GLE1: variants seen among roughly 807,000 people sequenced by gnomAD.
The protein encoded by GLE1 is GLE1 RNA export mediator.
A neutral mutation model predicts 97.3 loss-of-function variants in GLE1; 78 were observed. The observed-to-expected ratio is 0.80, with a 90% CI of 0.67 to 0.97. The LOEUF (loss-of-function observed/expected upper bound fraction) is 0.97. Ranked by LOEUF, GLE1 falls within the 50% of genes least tolerant of loss-of-function variation. GLE1 has a pLI of 0.00. For synonymous variants in GLE1, 302 were observed against 313.4 expected (o/e 0.96, Z 0.39); for missense variants, 753 against 857.5 (o/e 0.88, Z 1.52).
intron 2 of GLE1, among the ~76,000 whole-genome samples, chr9:128,510,878 C>G (rs1350560905): frequency 1.5e-5 from 2 of 132,058 alleles, no homozygotes; most frequent in Non-Finnish European, 3.2e-5. Flanking sequence ...TTTTTTCTAT[C>G]TAGTAGTTCA....
intron 11 of GLE1, among the ~76,000 whole-genome samples, chr9:128,535,130 A>C (rs1338813243): frequency 6.6e-6 from 1 of 152,128 alleles, no homozygotes; most frequent in East Asian, 1.9e-4. Flanking sequence ...TACTTTAACA[A>C]TTTGGGAGGT....
At chr9:128,530,784 C>T (rs1847474088) in intron 9 of GLE1, among the ~76,000 whole-genome samples, 1 of 151,858 alleles carries the variant, frequency 6.6e-6, no homozygotes, top group Non-Finnish European at 1.5e-5. Context: ...TGGCAGGCAC[C>T]TGTAGTCCTA....
At chr9:128,537,453 CAAAAAA>C (rs57584433) in intron 12 of GLE1, among the ~76,000 whole-genome samples, 1,126 of 43,962 alleles carry the variant, frequency 0.026, 19 homozygotes, top group African/African-American at 0.094. Flanking sequence ...AACTCTCCCT[CAAAAAA>C]AAAAAAAAAA....
At chr9:128,533,981 C>T (rs758714525) in intron 11 of GLE1, 30 bp downstream of exon 11, 1 of 1,313,134 alleles carries the variant, frequency 7.6e-7, no homozygotes, top group Non-Finnish European at 1.1e-6. Flanking sequence ...TACTCACTAT[C>T]CCTAGAGTGA....
intron 11 of GLE1, among the ~76,000 whole-genome samples, chr9:128,534,760 C>G (rs1396822714): frequency 2.0e-5 from 3 of 151,374 alleles, no homozygotes; most frequent in Non-Finnish European, 4.4e-5. Context: ...GCTTTGTCAC[C>G]CAGGCTGGAG....
chr9:128,532,032 G>C (rs927023556), intron 9 of GLE1, among the ~76,000 whole-genome samples: 1 of 150,492 alleles, frequency 6.6e-6, no homozygotes, highest in Non-Finnish European at 1.5e-5. Flanking sequence ...GGTCCACATG[G>C]TTGGCTTTTT....
chr9:128,513,101 A>T (rs534919049), intron 2 of GLE1, among the ~76,000 whole-genome samples: 1 of 152,272 alleles, frequency 6.6e-6, no homozygotes, highest in Non-Finnish European at 1.5e-5. Flanking sequence ...TAAGGGACTG[A>T]GGGAAGTATT....
chr9:128,505,871 A>G lies in GLE1; in HGVS notation c.99+967A>G, dbSNP rs796819313. 3.3e-5 allele frequency among the ~76,000 whole-genome samples: 5 copies of G among 152,348 alleles called. No homozygotes were observed. The South Asian group carries it at 8.3e-4, about 25-fold the overall frequency. On this transcript the variant is annotated intron_variant, in intron 1 of 15. Transcript: ENST00000309971. Reference sequence around the variant, plus strand: ...TCATTGATGTTTTCCACATGAATCGATACCTCTATGACGTTGCCAGATCCT... The same window carrying G: ...TCATTGATGTTTTCCACATGAATCGGTACCTCTATGACGTTGCCAGATCCT...
intron 2 of GLE1, among the ~76,000 whole-genome samples, chr9:128,510,526 C>CTT (rs71381766): frequency 5.0e-4 from 41 of 82,710 alleles, no homozygotes; most frequent in African/African-American, 1.6e-3. Flanking sequence ...CACACCCAGG[C>CTT]TTTTTTTTTT....
Position 128,508,957 on chromosome 9 carries a change from C to T in GLE1, c.181C>T (p.Gln61Ter). 1 of 1,610,646 alleles carries T rather than the reference C, an allele frequency of 6.2e-7. No individual in the cohort carries two copies. The highest frequency in any genetic ancestry group is 8.5e-7 in the Non-Finnish European group (1 of 1,176,842). Residue 61 changes from glutamine (Q) to a stop codon, truncating the protein, a stop_gained, in exon 2 of 16, where the codon CAG becomes TAG. Transcript: ENST00000309971. LOFTEE classifies it high-confidence loss of function. Reference protein sequence around the residue: ...WVVEHVLPHMQENQPLSETSP... With the variant: ...WVVEHVLPHM ...GGTAGAGCACGTCCTACCCCATATG[C>T]AGGAGAACCAACCTCTGTCTGAGAC...
At chr9:128,507,272 C>T (rs901300147) in intron 1 of GLE1, among the ~76,000 whole-genome samples, 2 of 151,694 alleles carry the variant, frequency 1.3e-5, no homozygotes, top group Admixed American at 6.6e-5. Flanking sequence ...TGAGGCAGGA[C>T]GAGTGCTTGA....
rs1847898566 is a variant in GLE1, at chr9:128,542,247, G to A, written c.*1077G>A. ...CCCATTCTATGAATTGTTAATTAAG[G>A]TGCCAAAAAAAATTAATAATAAAGC... On this transcript the variant is annotated 3_prime_UTR_variant, in exon 16 of 16. Transcript: ENST00000309971. 1 of 151,998 alleles carries A rather than the reference G, an allele frequency of 6.6e-6. No homozygotes were observed. The highest frequency in any genetic ancestry group is 2.1e-4 in the South Asian group (1 of 4,824). 9.4% of individuals were successfully genotyped at this position (151,998 alleles called of 1,614,324 possible). A position where few individuals can be genotyped will look rare whatever the true frequency, so the allele number is the denominator to read the frequency against.
chr9:128,533,454 G>GAAAAAAAAAAAAAAAAAAAAAAAA (rs1847588881), intron 9 of GLE1, 59 bp from the exon 10 acceptor site: 1 of 910,706 alleles, frequency 1.1e-6, no homozygotes. Context: ...AAAAAAAAAG[G>GAAAAAAAAAAAAAAAAAAAAAAAA]AAAAGAAAAA....
chr9:128,530,987 C>T (rs561582805), intron 9 of GLE1, among the ~76,000 whole-genome samples: 6 of 150,878 alleles, frequency 4.0e-5, no homozygotes, highest in Non-Finnish European at 5.9e-5. Flanking sequence ...GAGGCTGAGG[C>T]GGGTGGATCA....
intron 13 of GLE1, 131 bp from the exon 14 acceptor site, chr9:128,539,485 C>G: frequency 1.3e-6 from 1 of 744,404 alleles, no homozygotes; most frequent in South Asian, 1.5e-5. Context: ...CCCTTGTTAG[C>G]AAGTTCAGTG....
chr9:128,508,839 A>T, intron 1 of GLE1, 37 bp from the exon 2 acceptor site: 2 of 1,141,260 alleles, frequency 1.8e-6, no homozygotes, highest in South Asian at 1.2e-5. Context: ...AGAACAGTTG[A>T]CGTGTAAGTT....
chr9:128,532,512 C>CAA (rs113734520), intron 9 of GLE1, among the ~76,000 whole-genome samples: 1 of 131,158 alleles, frequency 7.6e-6, no homozygotes, highest in African/African-American at 2.8e-5. Context: ...TCTGCTTAAG[C>CAA]AAAAAAAAAA....
At chr9:128,519,153 C>T (rs997297448) in intron 3 of GLE1, among the ~76,000 whole-genome samples, 6 of 152,168 alleles carry the variant, frequency 3.9e-5, no homozygotes, top group South Asian at 2.1e-4. Context: ...GGATGTATGT[C>T]GCCTCAGGAC....
Position 128,536,756 on chromosome 9 carries a change from A to G in GLE1, c.1776+272A>G, listed in dbSNP as rs116857728. 4,165 of 387,780 alleles carry G rather than the reference A, an allele frequency of 0.011. 58 individuals carry two copies. Among genetic ancestry groups the G allele is most frequent in the Non-Finnish European group, 0.015 (2,957 of 202,964 alleles). The allele number at this position is 387,780 out of a possible 1,614,324, so 24.0% of individuals were successfully genotyped here. A position where few individuals can be genotyped will look rare whatever the true frequency, so the allele number is the denominator to read the frequency against. On this transcript the variant is annotated intron_variant, in intron 12 of 15. Transcript: ENST00000309971. The stretch of plus-strand genomic sequence containing the variant: ...GTCATTAAGGTTAGAAGATTTTCTT[A>G]CAAGAGGAATGAGCAAGAAATTGTC...
Sources: allele counts gnomAD v4.1 joint callset (sites outside exome capture counted in the v4.1 genomes callset), GRCh38; gene constraint gnomAD v4.1.1; transcripts MANE v1.5; gene names NCBI Gene and HGNC (gene_info 2026-07-23, HGNC 2026-07-21).